Variants in SMIM36 observed in about 807,000 individuals in gnomAD.
SMIM36 encodes the protein small integral membrane protein 36.
intron 1 of SMIM36, among the ~76,000 whole-genome samples, chr17:55,487,208 G>A (rs914125106): frequency 6.6e-6 from 1 of 152,036 alleles, no homozygotes; most frequent in African/African-American, 2.4e-5. Flanking sequence ...GTCATGGGGT[G>A]GGGGGTAGGG....
At chr17:55,520,084 T>C in the SMIM36 span, among the ~76,000 whole-genome samples, 1 of 152,238 alleles carries the variant, frequency 6.6e-6, no homozygotes, top group Admixed American at 6.5e-5. Context: ...GCTGTTTTCA[T>C]CTTCTCATGG....
intron 4 of SMIM36, among the ~76,000 whole-genome samples, chr17:55,463,674 G>A (rs1246271236): frequency 6.6e-6 from 1 of 152,156 alleles, no homozygotes; most frequent in Non-Finnish European, 1.5e-5. Flanking sequence ...AATATAATAG[G>A]AGAATGTTGA....
At chr17:55,511,152 C>T in exon 1 of SMIM36, 1 of 398,626 alleles carries the variant, frequency 2.5e-6, no homozygotes, top group Non-Finnish European at 4.4e-6. Context: ...GGTGCATCAC[C>T]ACCAACCGGA....
intron 4 of SMIM36, among the ~76,000 whole-genome samples, chr17:55,453,607 T>C (rs1487232206): frequency 6.6e-6 from 1 of 152,212 alleles, no homozygotes. Flanking sequence ...TTGGTGTACA[T>C]AGAGTGGATT....
In SMIM36 at chr17:55,479,236, G is replaced by T. The variant is rs147769708; in HGVS notation, c.*295+224C>A. 6.3e-3 allele frequency among the ~76,000 whole-genome samples: 953 copies of T among 152,292 alleles called. 33 individuals carry two copies. The highest frequency in any genetic ancestry group is 0.058 in the Admixed American group (882 of 15,282). ...AATGGAATGTATCCTCCATAGCATT[G>T]CTTAGGACCACAGGCAGGTGTCAGG... is the stretch of plus-strand genomic sequence containing the variant. On this transcript the variant is annotated intron_variant, in intron 2 of 4. Transcript: ENST00000636752.
At chr17:55,472,426 T>C (rs373487940) in intron 3 of SMIM36, among the ~76,000 whole-genome samples, 32 of 152,260 alleles carry the variant, frequency 2.1e-4, no homozygotes, top group East Asian at 1.5e-3. Flanking sequence ...TGCTGCCATC[T>C]GGGCTGAAAG....
chr17:55,514,293 A>C (rs1910230130), upstream of SMIM36, among the ~76,000 whole-genome samples: 1 of 152,288 alleles, frequency 6.6e-6, no homozygotes, highest in East Asian at 1.9e-4. Context: ...AAACAATAAC[A>C]AGCTGCATTT....
chr17:55,467,542 G>A (rs556571193), intron 3 of SMIM36, among the ~76,000 whole-genome samples: 6 of 151,950 alleles, frequency 3.9e-5, no homozygotes, highest in African/African-American at 1.5e-4. Context: ...GACTACAGGC[G>A]CCGGCCACCA....
chr17:55,453,153 A>G (rs1273635426), intron 4 of SMIM36, among the ~76,000 whole-genome samples: 5 of 152,116 alleles, frequency 3.3e-5, no homozygotes, highest in African/African-American at 1.2e-4. Context: ...CCAACACACA[A>G]CAAAATTTTT....
chr17:55,526,131 C>CTAT, the SMIM36 span, among the ~76,000 whole-genome samples: 1 of 151,732 alleles, frequency 6.6e-6, no homozygotes, highest in Admixed American at 6.6e-5. Context: ...AGCAATACTA[C>CTAT]TATTATTATT....
chr17:55,464,802 C>A (rs1297880789), intron 4 of SMIM36, among the ~76,000 whole-genome samples: 1 of 152,218 alleles, frequency 6.6e-6, no homozygotes, highest in African/African-American at 2.4e-5. Flanking sequence ...GTTCCCTAAT[C>A]TTTTCCACTC....
chr17:55,479,569 G>C (rs1168694986), exon 2 of SMIM36: 1 of 152,176 alleles, frequency 6.6e-6, no homozygotes, highest in African/African-American at 2.4e-5. Flanking sequence ...GGGCAACAGA[G>C]TGAGACTCCA....
At chr17:55,508,928 C>CAAA (rs35834283) in intron 1 of SMIM36, among the ~76,000 whole-genome samples, 77 of 97,018 alleles carry the variant, frequency 7.9e-4, no homozygotes, top group Non-Finnish European at 1.0e-3. Context: ...TGTCTCAGAA[C>CAAA]AAAAAAAAAA....
chr17:55,476,249 TC>T (rs1174876164), intron 3 of SMIM36, among the ~76,000 whole-genome samples: 1 of 152,104 alleles, frequency 6.6e-6, no homozygotes, highest in Non-Finnish European at 1.5e-5. Context: ...CCCTAACTGA[TC>T]AACTGACTTT....
At chr17:55,501,429 TATTATATATTATAAAATATA>T (rs1909972197) in intron 1 of SMIM36, among the ~76,000 whole-genome samples, 1 of 38,226 alleles carries the variant, frequency 2.6e-5, no homozygotes, top group African/African-American at 2.3e-4. Context: ...TATAATATAT[TATTATATATTATAAAATATA>T]ATATATTATT....
the SMIM36 span, among the ~76,000 whole-genome samples, chr17:55,519,202 A>G: frequency 6.6e-6 from 1 of 152,150 alleles, no homozygotes; most frequent in Non-Finnish European, 1.5e-5. Flanking sequence ...TTAAATTGAG[A>G]TAGTAGTTCA....
the SMIM36 span, chr17:55,527,191 G>A: frequency 2.0e-5 from 3 of 152,158 alleles, no homozygotes; most frequent in Admixed American, 2.0e-4. Context: ...CTGCTAGAAT[G>A]TGAGAAAAAG....
intron 1 of SMIM36, among the ~76,000 whole-genome samples, chr17:55,484,808 A>G (rs1909577685): frequency 6.6e-6 from 1 of 152,246 alleles, no homozygotes; most frequent in South Asian, 2.1e-4. Context: ...TGGTCACTGT[A>G]AGCATGTGGT....
intron 4 of SMIM36, among the ~76,000 whole-genome samples, chr17:55,453,178 T>C (rs961270730): frequency 2.0e-5 from 3 of 152,120 alleles, no homozygotes; most frequent in African/African-American, 7.2e-5. Flanking sequence ...TAGCCAGGCC[T>C]GGTGGTAAAC....
Sources: allele counts gnomAD v4.1 joint callset (sites outside exome capture counted in the v4.1 genomes callset), GRCh38; gene constraint gnomAD v4.1.1; transcripts MANE v1.5; gene names NCBI Gene and HGNC (gene_info 2026-07-23, HGNC 2026-07-21).